Variants in CRPPA observed in about 807,000 individuals in gnomAD.
CRPPA encodes CDP-L-ribitol pyrophosphorylase A, also known as D-ribitol-5-phosphate cytidylyltransferase.
A neutral mutation model predicts 52.0 loss-of-function variants in CRPPA; 43 were observed. That is an observed-to-expected ratio of 0.83 (90% CI 0.65 to 1.07). The LOEUF (loss-of-function observed/expected upper bound fraction) is 1.07, where lower values mean the gene tolerates loss of function less well. Among genes scored for constraint, CRPPA ranks in the 50% least tolerant of loss-of-function variants. The pLI is 0.00. For synonymous variants in CRPPA, 250 were observed against 203.5 expected (o/e 1.23, Z -1.94); for missense variants, 629 against 551.7 (o/e 1.14, Z -1.40).
chr7:16,253,783 C>T (rs1783528917), intron 8 of CRPPA, among the ~76,000 whole-genome samples: 1 of 152,036 alleles, frequency 6.6e-6, no homozygotes, highest in African/African-American at 2.4e-5. Context: ...AAGAAACTAC[C>T]ATCAGAGTGA....
chr7:16,295,122 G>A (rs1302120347), intron 5 of CRPPA, among the ~76,000 whole-genome samples: 2 of 152,022 alleles, frequency 1.3e-5, no homozygotes, highest in Non-Finnish European at 2.9e-5. Context: ...TACTTTCAAT[G>A]TATAAATATA....
At chr7:16,223,071 C>T (rs1002758004) in intron 8 of CRPPA, among the ~76,000 whole-genome samples, 3 of 151,884 alleles carry the variant, frequency 2.0e-5, no homozygotes, top group Non-Finnish European at 4.4e-5. Flanking sequence ...GCAGGCAGAT[C>T]ACTTGAGCCT....
chr7:16,130,140 A>C (rs1782654463), intron 9 of CRPPA, among the ~76,000 whole-genome samples: 1 of 152,204 alleles, frequency 6.6e-6, no homozygotes, highest in Non-Finnish European at 1.5e-5. Context: ...TAACACTAGG[A>C]TGTTAAAAAG....
chr7:16,380,393 G>A (rs868201028), intron 2 of CRPPA, among the ~76,000 whole-genome samples: 77 of 152,094 alleles, frequency 5.1e-4, no homozygotes, highest in Middle Eastern at 3.4e-3. Context: ...TCAGTTTGCC[G>A]GTATTTTATT....
At chr7:16,363,227 T>A (rs1209028312) in intron 3 of CRPPA, among the ~76,000 whole-genome samples, 1 of 152,090 alleles carries the variant, frequency 6.6e-6, no homozygotes, top group African/African-American at 2.4e-5. Flanking sequence ...TCTTAAAAAG[T>A]TTTTCCCAAA....
chr7:16,212,115 C>G (rs1029109918), intron 9 of CRPPA, among the ~76,000 whole-genome samples: 1 of 151,868 alleles, frequency 6.6e-6, no homozygotes, highest in Non-Finnish European at 1.5e-5. Context: ...TTGTATGTCT[C>G]CTAGATCTGC....
At chr7:16,258,306 T>G in intron 8 of CRPPA, 84 bp downstream of exon 8, 1 of 814,486 alleles carries the variant, frequency 1.2e-6, no homozygotes, top group South Asian at 1.8e-5. Flanking sequence ...ATGCTCTCAA[T>G]TGGATGAGTT....
chr7:16,163,540 G>A (rs1780967488), intron 9 of CRPPA, among the ~76,000 whole-genome samples: 1 of 152,106 alleles, frequency 6.6e-6, no homozygotes, highest in African/African-American at 2.4e-5. Flanking sequence ...TGTTATGTGT[G>A]AATTTGATCC....
chr7:16,193,820 C>T (rs1781667455), intron 9 of CRPPA, among the ~76,000 whole-genome samples: 1 of 152,104 alleles, frequency 6.6e-6, no homozygotes, highest in African/African-American at 2.4e-5. Context: ...CGCTTATCCC[C>T]TGCAGTGTAA....
intron 9 of CRPPA, among the ~76,000 whole-genome samples, chr7:16,194,868 A>C (rs1350632729): frequency 6.6e-6 from 1 of 150,962 alleles, no homozygotes; most frequent in African/African-American, 2.4e-5. Context: ...TTCTCTTAAC[A>C]TGAAGAATGT....
intron 9 of CRPPA, among the ~76,000 whole-genome samples, chr7:16,116,090 C>A (rs1782365524): frequency 1.3e-5 from 2 of 151,960 alleles, no homozygotes; most frequent in South Asian, 4.1e-4. Flanking sequence ...ACATAGTTTC[C>A]AAATATTTTA....
chr7:16,385,763 C>A (rs1787247921), intron 2 of CRPPA, among the ~76,000 whole-genome samples: 2 of 152,076 alleles, frequency 1.3e-5, no homozygotes, highest in African/African-American at 4.8e-5. Flanking sequence ...AATTATGGAA[C>A]CTGAGAGTTC....
At chr7:16,145,031 T>G (rs1044478061) in intron 9 of CRPPA, among the ~76,000 whole-genome samples, 3 of 152,172 alleles carry the variant, frequency 2.0e-5, no homozygotes, top group African/African-American at 7.2e-5. Context: ...GAGGCTGTTC[T>G]ACCCACCCAG....
rs189997269 is a variant in CRPPA, at chr7:16,212,330, G to A, written c.1251+3736C>T. On this transcript the variant is annotated intron_variant, in intron 9 of 9. Transcript: ENST00000407010. ...CTATTTCCCACTATATTATAAGTAA[G>A]TGAAATGACAGTTTAGTGGGGAAGA... Among the ~76,000 whole-genome samples the A allele has an allele frequency of 1.3e-3, 191 of 152,240 alleles. 1 individual carries two copies. The highest frequency in any genetic ancestry group is 4.5e-3 in the African/African-American group (187 of 41,548).
chr7:16,286,039 ATATAAATATATATATATATATATAT>A (rs1784428646), intron 5 of CRPPA, among the ~76,000 whole-genome samples: 1 of 23,958 alleles, frequency 4.2e-5, no homozygotes, highest in African/African-American at 3.0e-4. Flanking sequence ...AAAAAAAAAA[ATATAAATATATATATATATATATAT>A]ATATATATAT....
intron 3 of CRPPA, among the ~76,000 whole-genome samples, chr7:16,325,229 C>A (rs1785355313): frequency 6.6e-6 from 1 of 152,092 alleles, no homozygotes; most frequent in Non-Finnish European, 1.5e-5. Flanking sequence ...GGAAGTCAAA[C>A]CTTAAATGCT....
At chr7:16,329,582 T>C (rs1484432057) in intron 3 of CRPPA, among the ~76,000 whole-genome samples, 1 of 152,178 alleles carries the variant, frequency 6.6e-6, no homozygotes, top group African/African-American at 2.4e-5. Flanking sequence ...CTGAAGGTTT[T>C]AAACTACATA....
chr7:16,258,704 G>C (rs532063348), intron 7 of CRPPA, among the ~76,000 whole-genome samples: 1 of 151,888 alleles, frequency 6.6e-6, no homozygotes, highest in South Asian at 2.1e-4. Flanking sequence ...CTTTGGACCA[G>C]GTACAAACAA....
chr7:16,315,329 G>A (rs1351113333), intron 3 of CRPPA, among the ~76,000 whole-genome samples: 1 of 152,092 alleles, frequency 6.6e-6, no homozygotes, highest in Non-Finnish European at 1.5e-5. Flanking sequence ...TAAATTCCCA[G>A]TTGGGTAATT....
Sources: allele counts gnomAD v4.1 joint callset (sites outside exome capture counted in the v4.1 genomes callset), GRCh38; gene constraint gnomAD v4.1.1; transcripts MANE v1.5; gene names NCBI Gene and HGNC (gene_info 2026-07-23, HGNC 2026-07-21).